OTUD7B: variants seen among roughly 807,000 people sequenced by gnomAD.
OTUD7B encodes the protein OTU domain-containing protein 7B.
A neutral mutation model predicts 82.2 loss-of-function variants in OTUD7B; 34 were observed. The ratio of observed to expected loss-of-function variants is 0.41; its 90% CI spans 0.31 to 0.55. The LOEUF is 0.55. OTUD7B is among the 20% of genes least tolerant of loss of function. OTUD7B has a pLI of 0.20. For missense variants in OTUD7B, 944 were observed against 1,062.1 expected (o/e 0.89, Z 1.55); for synonymous variants, 398 against 402.7 (o/e 0.99, Z 0.14).
At chr1:149,950,975 G>GTTTTGTT in intron 7 of OTUD7B, among the ~76,000 whole-genome samples, 1 of 12,250 alleles carries the variant, frequency 8.2e-5, no homozygotes, top group Admixed American at 1.1e-3. Flanking sequence ...TGTACTTTTT[G>GTTTTGTT]TATTTTTTTT....
chr1:149,985,914 T>A (rs192925710), intron 1 of OTUD7B, among the ~76,000 whole-genome samples: 1 of 152,260 alleles, frequency 6.6e-6, no homozygotes, highest in Admixed American at 6.5e-5. Flanking sequence ...TCCCTCTAAC[T>A]GGAGTAACTC....
the OTUD7B span, among the ~76,000 whole-genome samples, chr1:150,034,589 A>G: frequency 6.6e-6 from 1 of 152,176 alleles, no homozygotes; most frequent in African/African-American, 2.4e-5. Flanking sequence ...AGCTACTTTA[A>G]AAAAAGAAAT....
chr1:149,985,393 C>A (rs1039956533), intron 1 of OTUD7B, among the ~76,000 whole-genome samples: 1 of 151,896 alleles, frequency 6.6e-6, no homozygotes, highest in Admixed American at 6.6e-5. Flanking sequence ...GGCGACAGAG[C>A]GAGACCCCAT....
the OTUD7B span, among the ~76,000 whole-genome samples, chr1:150,058,370 A>G: frequency 6.6e-6 from 1 of 152,072 alleles, no homozygotes; most frequent in African/African-American, 2.4e-5. Context: ...ATTAATGGGC[A>G]TGGTAGCACA....
At chr1:150,011,480 A>G (rs144873068), upstream of OTUD7B, among the ~76,000 whole-genome samples, 11 of 152,358 alleles carry the variant, frequency 7.2e-5, no homozygotes, top group East Asian at 2.1e-3. Flanking sequence ...AGTAAAATAC[A>G]TAAAACTATA....
chr1:150,024,079 A>G, the OTUD7B span, among the ~76,000 whole-genome samples: 28 of 152,342 alleles, frequency 1.8e-4, no homozygotes, highest in African/African-American at 6.3e-4. Context: ...TTATTTCTCA[A>G]TAGAGTGCCA....
intron 7 of OTUD7B, among the ~76,000 whole-genome samples, chr1:149,953,946 G>A (rs1356802050): frequency 6.6e-6 from 1 of 152,160 alleles, no homozygotes; most frequent in Non-Finnish European, 1.5e-5. Context: ...GAGATTTTGG[G>A]CTAAGACAGT....
At chr1:150,049,152 G>A in the OTUD7B span, among the ~76,000 whole-genome samples, 1 of 152,112 alleles carries the variant, frequency 6.6e-6, no homozygotes, top group African/African-American at 2.4e-5. Flanking sequence ...TAGAGGTCTA[G>A]TAAACTTAAA....
the OTUD7B span, among the ~76,000 whole-genome samples, chr1:150,063,192 C>G: frequency 6.6e-6 from 1 of 152,054 alleles, no homozygotes; most frequent in Non-Finnish European, 1.5e-5. Flanking sequence ...TGGCTCATGC[C>G]TATAATCCCA....
chr1:150,035,144 CAA>C, the OTUD7B span, among the ~76,000 whole-genome samples: 1 of 146,912 alleles, frequency 6.8e-6, no homozygotes. Context: ...AACTTCATCT[CAA>C]AAAAAAAAAA....
intron 1 of OTUD7B, among the ~76,000 whole-genome samples, chr1:149,977,940 T>G (rs587676737): frequency 1.3e-5 from 2 of 152,338 alleles, no homozygotes; most frequent in African/African-American, 4.8e-5. Flanking sequence ...CACCTTTGTG[T>G]ATTTCCTTAC....
Position 149,967,488 on chromosome 1 carries a change from C to A in OTUD7B, c.308G>T (p.Ser103Ile). 6.2e-7 allele frequency: 1 copy of A among 1,612,748 alleles called. No homozygotes were observed. The highest frequency in any genetic ancestry group is 8.5e-7 in the Non-Finnish European group (1 of 1,179,204). ...CCGGGCCAGGGAAACAATGCTGGAGCTGGCGTGGGAGATGCCCCTAGACAG... is the reference window on the plus strand; with the variant it reads ...CCGGGCCAGGGAAACAATGCTGGAGATGGCGTGGGAGATGCCCCTAGACAG... ...KRLSRGISHA[S>I]SSIVSLARSH... Residue 103 changes from serine to isoleucine, a missense_variant, in exon 4 of 12, where the codon AGC (serine) becomes ATC (isoleucine). By Grantham distance (142) the Ser-to-Ile change is moderately radical (BLOSUM62 -2). Coordinates refer to ENST00000581312, the MANE Select transcript of OTUD7B (RefSeq NM_020205.4).
the OTUD7B span, among the ~76,000 whole-genome samples, chr1:150,018,888 C>T: frequency 6.6e-5 from 10 of 152,238 alleles, no homozygotes; most frequent in African/African-American, 2.4e-4. Context: ...CCCTCTTTCT[C>T]TATATGAATG....
chr1:150,040,908 C>T, the OTUD7B span, among the ~76,000 whole-genome samples: 7 of 151,996 alleles, frequency 4.6e-5, 1 homozygote, highest in African/African-American at 1.5e-4. Context: ...CAGGGTTTCG[C>T]CATGTTGACC....
chr1:150,035,264 A>G, the OTUD7B span, among the ~76,000 whole-genome samples: 48 of 152,250 alleles, frequency 3.2e-4, 1 homozygote, highest in Admixed American at 2.6e-3. Flanking sequence ...ATATTTTCTG[A>G]TTAGTGATAT....
the OTUD7B span, among the ~76,000 whole-genome samples, chr1:150,030,103 C>G: frequency 6.6e-6 from 1 of 152,160 alleles, no homozygotes; most frequent in Admixed American, 6.5e-5. Flanking sequence ...GATAACAATA[C>G]AAATTTTTAA....
At chr1:150,002,633 G>A (rs1553785137) in intron 1 of OTUD7B, among the ~76,000 whole-genome samples, 1 of 152,168 alleles carries the variant, frequency 6.6e-6, no homozygotes, top group African/African-American at 2.4e-5. Flanking sequence ...AGAGAGAGGT[G>A]AATTCACCTT....
chr1:149,995,306 G>A (rs936249243), intron 1 of OTUD7B, among the ~76,000 whole-genome samples: 2 of 151,986 alleles, frequency 1.3e-5, no homozygotes, highest in South Asian at 2.1e-4. Flanking sequence ...TTGGCCGGGC[G>A]CAGTGGCTCA....
At chr1:150,005,514 C>T (rs782706066) in intron 1 of OTUD7B, among the ~76,000 whole-genome samples, 2 of 147,410 alleles carry the variant, frequency 1.4e-5, no homozygotes, top group Non-Finnish European at 3.0e-5. Flanking sequence ...ATCCTGTGCT[C>T]GTGACATCAG....
Sources: gnomAD v4.1 joint callset for allele counts (sites outside exome capture counted in the v4.1 genomes callset) on GRCh38, gnomAD v4.1.1 for gene constraint, MANE v1.5 for transcripts, NCBI Gene and HGNC (gene_info 2026-07-23, HGNC 2026-07-21) for gene names.